RASGRF2: variants seen among roughly 807,000 people sequenced by gnomAD.
RASGRF2 encodes the protein Ras protein specific guanine nucleotide releasing factor 2.
In RASGRF2, 76 loss-of-function variants were observed where a neutral mutation model predicts 151.0. That is an observed-to-expected ratio of 0.50 (90% CI 0.42 to 0.61). The LOEUF (loss-of-function observed/expected upper bound fraction) is 0.61. RASGRF2 is among the 20% of genes least tolerant of loss of function. The probability of loss-of-function intolerance (pLI) is 0.00; values close to 1 mark genes in which losing one functional copy is unlikely to be tolerated. For missense variants in RASGRF2, 1,148 were observed against 1,564.6 expected, an observed-to-expected ratio of 0.73 and a Z score of 4.49; for synonymous variants, 504 against 566.5, an observed-to-expected ratio of 0.89 and a Z score of 1.57.
At chr5:81,114,400 CT>C (rs1265290478) in intron 15 of RASGRF2, among the ~76,000 whole-genome samples, 3 of 152,182 alleles carry the variant, frequency 2.0e-5, no homozygotes, top group African/African-American at 7.2e-5. Context: ...ACAATGGCTT[CT>C]TTAGTTTAGT....
intron 1 of RASGRF2, among the ~76,000 whole-genome samples, chr5:80,966,527 G>A (rs1353891848): frequency 2.0e-5 from 3 of 151,902 alleles, no homozygotes; most frequent in African/African-American, 4.8e-5. Flanking sequence ...ATTTTTATTG[G>A]TGCAACTTTT....
chr5:81,086,972 G>A lies in RASGRF2; in HGVS notation c.1390+19G>A, dbSNP rs1410922100. ...CGCCAAGGTAAGTCCCTGTGAAATG[G>A]ACCCGCGACCTGATGCGCTGTGCGG... is the stretch of plus-strand genomic sequence containing the variant. On this transcript the variant is annotated intron_variant, in intron 9 of 26. Coordinates refer to ENST00000265080, the MANE Select transcript of RASGRF2 (RefSeq NM_006909.3). The A allele has an allele frequency of 6.3e-7, 1 of 1,584,536 alleles. No homozygotes were observed. Among genetic ancestry groups the A allele is most frequent in the Non-Finnish European group, 8.7e-7 (1 of 1,153,234 alleles).
At chr5:81,194,375 A>T (rs2112700473) in intron 18 of RASGRF2, among the ~76,000 whole-genome samples, 1 of 151,762 alleles carries the variant, frequency 6.6e-6, no homozygotes, top group South Asian at 2.1e-4. Context: ...ATTACCTAGC[A>T]TGGGGCAACC....
intron 15 of RASGRF2, among the ~76,000 whole-genome samples, chr5:81,117,556 G>A (rs1208751972): frequency 6.6e-6 from 1 of 152,160 alleles, no homozygotes; most frequent in Admixed American, 6.5e-5. Flanking sequence ...TTTTTAACAT[G>A]GGAACTTTGG....
intron 1 of RASGRF2, among the ~76,000 whole-genome samples, chr5:80,997,012 T>C (rs950637387): frequency 6.6e-6 from 1 of 152,320 alleles, no homozygotes; most frequent in East Asian, 1.9e-4. Flanking sequence ...AAAGTCTCCT[T>C]ATTTGGCAAT....
At chr5:81,047,886 A>G (rs1024254373) in intron 2 of RASGRF2, among the ~76,000 whole-genome samples, 2 of 152,182 alleles carry the variant, frequency 1.3e-5, no homozygotes, top group Non-Finnish European at 2.9e-5. Flanking sequence ...AAATACACAC[A>G]CATGCACACA....
intron 1 of RASGRF2, among the ~76,000 whole-genome samples, chr5:81,041,913 C>T (rs191063741): frequency 6.6e-5 from 10 of 152,252 alleles, no homozygotes; most frequent in East Asian, 3.9e-4. Flanking sequence ...CCCTATTTTA[C>T]GAATATCACA....
At chr5:81,148,460 C>T (rs960767631) in intron 17 of RASGRF2, among the ~76,000 whole-genome samples, 2 of 152,138 alleles carry the variant, frequency 1.3e-5, no homozygotes, top group African/African-American at 2.4e-5. Context: ...TCCAACAGGG[C>T]TCAGGGCATA....
chr5:80,981,197 C>T (rs1748287653), intron 1 of RASGRF2, among the ~76,000 whole-genome samples: 1 of 152,130 alleles, frequency 6.6e-6, no homozygotes, highest in African/African-American at 2.4e-5. Context: ...TATGATTTGG[C>T]TTTTCATTGC....
At chr5:80,981,509 G>A (rs1748299393) in intron 1 of RASGRF2, among the ~76,000 whole-genome samples, 1 of 152,110 alleles carries the variant, frequency 6.6e-6, no homozygotes, top group East Asian at 1.9e-4. Context: ...GTACTTGTGT[G>A]AGTACGTGTG....
intron 19 of RASGRF2, among the ~76,000 whole-genome samples, chr5:81,206,197 T>C (rs1404197430): frequency 1.3e-5 from 2 of 152,086 alleles, no homozygotes; most frequent in Admixed American, 6.6e-5. Context: ...ATTCACTCAT[T>C]CATTCATTCA....
chr5:81,080,910 A>G, intron 7 of RASGRF2, 121 bp downstream of exon 7: 1 of 860,438 alleles, frequency 1.2e-6, no homozygotes, highest in Non-Finnish European at 1.8e-6. Context: ...CAGATGTACC[A>G]TCTGTTGCTG....
chr5:81,037,754 TA>T (rs888812448), intron 1 of RASGRF2, among the ~76,000 whole-genome samples: 2 of 152,174 alleles, frequency 1.3e-5, no homozygotes, highest in Non-Finnish European at 2.9e-5. Context: ...TTTTGAAGAT[TA>T]AAAAAAGTCA....
At chr5:80,973,324 A>G (rs1377389840) in intron 1 of RASGRF2, among the ~76,000 whole-genome samples, 2 of 152,166 alleles carry the variant, frequency 1.3e-5, no homozygotes, top group Non-Finnish European at 2.9e-5. Context: ...CTGAAAGACA[A>G]AAGTCATGAT....
At chr5:81,106,197 A>G (rs572073638) in intron 12 of RASGRF2, among the ~76,000 whole-genome samples, 28 of 152,304 alleles carry the variant, frequency 1.8e-4, no homozygotes, top group Non-Finnish European at 1.5e-5. Context: ...AACCATGGCC[A>G]TCTTTGATTT....
In RASGRF2 at chr5:81,227,679, G is replaced by T. The variant is rs1041201996; in HGVS notation, c.*1909G>T. Reference sequence around the variant, plus strand: ...AAGGTCTTGCAGAAGAAAAGTAAAGGTTAGCTTTCATGGCTCAAAAGCATA... The same window carrying T: ...AAGGTCTTGCAGAAGAAAAGTAAAGTTTAGCTTTCATGGCTCAAAAGCATA... On this transcript the variant is annotated 3_prime_UTR_variant, in exon 27 of 27. Transcript: ENST00000265080. 1 of 152,164 alleles carries T rather than the reference G, an allele frequency of 6.6e-6. No individual in the cohort carries two copies. Among genetic ancestry groups the T allele is most frequent in the African/African-American group, 2.4e-5 (1 of 41,436 alleles). 9.4% of individuals were successfully genotyped at this position (152,164 alleles called of 1,614,324 possible). A position where few individuals can be genotyped will look rare whatever the true frequency, so the allele number is the denominator to read the frequency against.
intron 17 of RASGRF2, among the ~76,000 whole-genome samples, chr5:81,140,245 C>T (rs575578292): frequency 8.5e-4 from 129 of 152,314 alleles, no homozygotes; most frequent in African/African-American, 2.7e-3. Flanking sequence ...TGTTCTTTCA[C>T]ACCATTCTTC....
chr5:81,034,978 G>A (rs1255045076), intron 1 of RASGRF2, among the ~76,000 whole-genome samples: 2 of 151,976 alleles, frequency 1.3e-5, no homozygotes, highest in African/African-American at 4.8e-5. Context: ...GAAACAACAG[G>A]TGCTGGAGAG....
At chr5:81,127,797 A>T (rs564558175) in intron 17 of RASGRF2, among the ~76,000 whole-genome samples, 1 of 151,776 alleles carries the variant, frequency 6.6e-6, no homozygotes, top group East Asian at 1.9e-4. Flanking sequence ...GGTGTCATAC[A>T]TCTGTAATTC....
Sources: gnomAD v4.1 joint callset for allele counts (sites outside exome capture counted in the v4.1 genomes callset) on GRCh38, gnomAD v4.1.1 for gene constraint, MANE v1.5 for transcripts, NCBI Gene and HGNC (gene_info 2026-07-23, HGNC 2026-07-21) for gene names.